The following MYBL2 variants were observed in gnomAD, a reference collection of about 807,000 sequenced individuals.
MYBL2 encodes the protein MYB proto-oncogene like 2.
In MYBL2, 28 loss-of-function variants were observed where a neutral mutation model predicts 79.9. The ratio of observed to expected loss-of-function variants is 0.35; its 90% confidence interval spans 0.26 to 0.48. The LOEUF is 0.48. Among genes scored for constraint, MYBL2 ranks in the 20% least tolerant of loss-of-function variants. The pLI, the probability that MYBL2 is intolerant of heterozygous loss-of-function variation, is 0.99. For synonymous variants in MYBL2, 378 were observed against 361.2 expected, an observed-to-expected ratio of 1.05 and a Z score of -0.53; for missense variants, 735 against 893.9, an observed-to-expected ratio of 0.82 and a Z score of 2.27.
chr20:43,693,798 C>T (rs1987470271), intron 6 of MYBL2, among the ~76,000 whole-genome samples: 1 of 152,090 alleles, frequency 6.6e-6, no homozygotes, highest in Admixed American at 6.6e-5. Flanking sequence ...CATCTGTAAT[C>T]CCAGCACTTT....
intron 2 of MYBL2, among the ~76,000 whole-genome samples, chr20:43,674,243 T>TC (rs1986949607): frequency 7.4e-6 from 1 of 135,922 alleles, no homozygotes; most frequent in African/African-American, 2.6e-5. Flanking sequence ...CCTTTTTTTT[T>TC]TTTTTTTTTT....
intron 2 of MYBL2, among the ~76,000 whole-genome samples, chr20:43,674,180 C>CA (rs1266757912): frequency 7.3e-6 from 1 of 137,232 alleles, no homozygotes; most frequent in African/African-American, 2.7e-5. Context: ...ATTGATTGTG[C>CA]TTTTTGCCTT....
At chr20:43,709,487 C>T (rs1057162642) in intron 9 of MYBL2, among the ~76,000 whole-genome samples, 3 of 152,232 alleles carry the variant, frequency 2.0e-5, no homozygotes, top group Admixed American at 6.5e-5. Context: ...AGGGTTCCCT[C>T]CACGTGTCCA....
intron 2 of MYBL2, among the ~76,000 whole-genome samples, chr20:43,679,047 A>G (rs1208579210): frequency 6.6e-6 from 1 of 151,942 alleles, no homozygotes; most frequent in Non-Finnish European, 1.5e-5. Flanking sequence ...TGGAAATGAT[A>G]GTATCCAGGT....
intron 9 of MYBL2, among the ~76,000 whole-genome samples, chr20:43,708,995 C>G (rs1311029814): frequency 1.3e-5 from 2 of 152,216 alleles, no homozygotes; most frequent in Non-Finnish European, 2.9e-5. Flanking sequence ...TGCCTAATCT[C>G]TAGGTCCTGA....
chr20:43,715,341 T>A (rs1201156432), intron 13 of MYBL2, 58 bp downstream of exon 13: 1 of 1,606,486 alleles, frequency 6.2e-7, no homozygotes, highest in Non-Finnish European at 8.5e-7. Context: ...AGCTCAGGGC[T>A]GAGTGCTGGC....
intron 2 of MYBL2, among the ~76,000 whole-genome samples, chr20:43,680,187 C>T (rs1239790915): frequency 3.3e-5 from 5 of 152,114 alleles, no homozygotes; most frequent in African/African-American, 7.2e-5. Context: ...CCTGCCACCA[C>T]GCTGGGCTAA....
intron 6 of MYBL2, among the ~76,000 whole-genome samples, chr20:43,693,254 A>G (rs1314282059): frequency 6.6e-6 from 1 of 152,188 alleles, no homozygotes; most frequent in East Asian, 1.9e-4. Flanking sequence ...CTGGGTTTGA[A>G]TTCCTAGCCT....
Position 43,687,025 on chromosome 20 carries a change from G to A in MYBL2, c.453G>A (p.Lys151=), listed in dbSNP as rs1301421700. Residue 151 remains lysine, a synonymous_variant, in exon 5 of 14, where the codon AAG becomes AAA. Coordinates refer to ENST00000217026, the MANE Select transcript of MYBL2 (RefSeq NM_002466.4). ...ACCGCATCATCTGCGAGGCCCACAAGGTGCTGGGCAACCGCTGGGCCGAGA... is the reference window on the plus strand; with the variant it reads ...ACCGCATCATCTGCGAGGCCCACAAAGTGCTGGGCAACCGCTGGGCCGAGA... ...EEDRIICEAH[K]VLGNRWAEIA... The A allele has an allele frequency of 6.2e-7, 1 of 1,613,832 alleles. No homozygotes were observed. The highest frequency in any genetic ancestry group is 1.7e-5 in the Admixed American group (1 of 60,022).
At chr20:43,689,927 C>T (rs1354943063) in intron 5 of MYBL2, among the ~76,000 whole-genome samples, 1 of 152,052 alleles carries the variant, frequency 6.6e-6, no homozygotes, top group African/African-American at 2.4e-5. Flanking sequence ...TCCCTGGAAG[C>T]GGAACCTGTG....
chr20:43,711,666 T>A, intron 11 of MYBL2, 65 bp downstream of exon 11: 1 of 1,438,332 alleles, frequency 7.0e-7, no homozygotes, highest in Non-Finnish European at 9.6e-7. Context: ...GGGGGAGGCG[T>A]CTGGGGACAG....
intron 10 of MYBL2, among the ~76,000 whole-genome samples, chr20:43,710,726 C>T (rs1052406114): frequency 6.6e-6 from 1 of 152,104 alleles, no homozygotes; most frequent in Admixed American, 6.5e-5. Flanking sequence ...CCCAAGGTGG[C>T]TGGGGGCTGA....
At chr20:43,697,939 G>A (rs1023610237) in intron 6 of MYBL2, among the ~76,000 whole-genome samples, 13 of 147,988 alleles carry the variant, frequency 8.8e-5, no homozygotes, top group South Asian at 4.3e-4. Context: ...AAAATTGCGT[G>A]TATTTATGGT....
chr20:43,679,318 T>C (rs900996471), intron 2 of MYBL2, among the ~76,000 whole-genome samples: 2 of 152,214 alleles, frequency 1.3e-5, no homozygotes, highest in Non-Finnish European at 1.5e-5. Flanking sequence ...TATACACATA[T>C]AAATTTGTAT....
At chr20:43,671,558 C>T (rs1230489844) in intron 1 of MYBL2, among the ~76,000 whole-genome samples, 5 of 149,798 alleles carry the variant, frequency 3.3e-5, no homozygotes, top group Non-Finnish European at 7.4e-5. Flanking sequence ...CCGCAACCTC[C>T]GCCTCCCAGG....
intron 1 of MYBL2, among the ~76,000 whole-genome samples, chr20:43,670,960 C>CT (rs766959084): frequency 0.017 from 2,474 of 144,038 alleles, 159 homozygotes; most frequent in African/African-American, 0.055. Flanking sequence ...CCTATGATTT[C>CT]TTTTTTTTCT....
chr20:43,671,411 C>T (rs182982917), intron 1 of MYBL2, among the ~76,000 whole-genome samples: 1 of 151,640 alleles, frequency 6.6e-6, no homozygotes, highest in Non-Finnish European at 1.5e-5. Flanking sequence ...CCACCTCGGC[C>T]TCCCAAAGTG....
At chr20:43,682,924 T>C (rs1284451619) in intron 4 of MYBL2, 38 bp downstream of exon 4, 6 of 1,564,134 alleles carry the variant, frequency 3.8e-6, no homozygotes, top group Admixed American at 1.7e-5. Context: ...CAGTGGGTCT[T>C]CACCCACCAG....
intron 2 of MYBL2, among the ~76,000 whole-genome samples, chr20:43,674,234 C>CCCCTTT (rs33986259): frequency 2.8e-5 from 2 of 72,228 alleles, no homozygotes; most frequent in Non-Finnish European, 6.1e-5. Flanking sequence ...TCCCCCCACC[C>CCCCTTT]TTTTTTTTTT....
Sources: gnomAD v4.1 joint callset for allele counts (sites outside exome capture counted in the v4.1 genomes callset) on GRCh38, gnomAD v4.1.1 for gene constraint, MANE v1.5 for transcripts, NCBI Gene and HGNC (gene_info 2026-07-23, HGNC 2026-07-21) for gene names.